The following TRIM5 variants were observed in gnomAD, a reference collection of about 807,000 sequenced individuals.
The protein encoded by TRIM5 is tripartite motif containing 5, also known as tripartite motif-containing protein 5.
Under a neutral mutation model 35.6 loss-of-function variants are expected in TRIM5, and 31 were observed. The observed-to-expected ratio is 0.87, with a 90% CI of 0.65 to 1.18. TRIM5 has a LOEUF of 1.18. Among genes scored for constraint, TRIM5 ranks in the 50% most tolerant of loss-of-function variants. The pLI, the probability that TRIM5 is intolerant of heterozygous loss-of-function variation, is 0.00. For synonymous variants in TRIM5, 243 were observed against 215.6 expected, an observed-to-expected ratio of 1.13 and a Z score of -1.11; for missense variants, 609 against 591.6, an observed-to-expected ratio of 1.03 and a Z score of -0.31.
the TRIM5 span, among the ~76,000 whole-genome samples, chr11:5,606,711 A>C: frequency 6.6e-6 from 1 of 152,026 alleles, no homozygotes; most frequent in Non-Finnish European, 1.5e-5. Flanking sequence ...ACAGTCCTCA[A>C]ACTGTAAATA....
At position 5,678,240 on chromosome 11, in the gene TRIM5, C is replaced by T. The variant is rs767959775; in HGVS notation, c.708G>A (p.Glu236=). 1 of 1,613,930 alleles carries T rather than the reference C, an allele frequency of 6.2e-7. No individual in the cohort carries two copies. Residue 236 remains glutamate, a synonymous_variant, in exon 4 of 8, where the codon GAG becomes GAA. Transcript: ENST00000380034. Reference sequence around the variant, plus strand: ...CCATCACTGACCCCTGCAGCCGATGCTCCAGATCTGAGATGAGCTCTCTCA... The same window carrying T: ...CCATCACTGACCCCTGCAGCCGATGTTCCAGATCTGAGATGAGCTCTCTCA... ...QSLRELISDL[E]HRLQGSVMEL...
At chr11:5,621,649 A>C in the TRIM5 span, among the ~76,000 whole-genome samples, 1 of 152,216 alleles carries the variant, frequency 6.6e-6, no homozygotes, top group East Asian at 1.9e-4. Context: ...CTTCAAAATC[A>C]CTAGGCCAAA....
the TRIM5 span, chr11:5,610,519 C>G: frequency 6.2e-7 from 1 of 1,614,156 alleles, no homozygotes; most frequent in African/African-American, 1.3e-5. Flanking sequence ...ATTATTGACT[C>G]TTTTCATCAT....
At chr11:5,623,534 A>ATTT in the TRIM5 span, among the ~76,000 whole-genome samples, 12,163 of 126,494 alleles carry the variant, frequency 0.096, 1,113 homozygotes, top group East Asian at 0.41. Context: ...TGCCCGGCTA[A>ATTT]TTTTTTTTTT....
At chr11:5,678,161 CT>C in intron 4 of TRIM5, 42 bp downstream of exon 4, 1 of 1,532,680 alleles carries the variant, frequency 6.5e-7, no homozygotes, top group Admixed American at 1.9e-5. Context: ...ATAGCCTTCA[CT>C]TTTCTTTAAT....
intron 4 of TRIM5, among the ~76,000 whole-genome samples, chr11:5,677,709 G>A (rs913181604): frequency 7.2e-5 from 11 of 152,138 alleles, no homozygotes; most frequent in Non-Finnish European, 1.2e-4. Flanking sequence ...GATTACAGGC[G>A]TGAGCCACCG....
the TRIM5 span, among the ~76,000 whole-genome samples, chr11:5,624,202 G>A: frequency 2.6e-5 from 4 of 152,180 alleles, no homozygotes; most frequent in African/African-American, 4.8e-5. Flanking sequence ...CCTCAGATTC[G>A]CGTAAAAATT....
chr11:5,660,712 T>C (rs1295063592), downstream of TRIM5, among the ~76,000 whole-genome samples: 1 of 151,796 alleles, frequency 6.6e-6, no homozygotes, highest in Admixed American at 6.6e-5. Flanking sequence ...AAAATAATGG[T>C]GGTGTTGGAG....
At chr11:5,604,431 G>T in the TRIM5 span, 1 of 1,297,544 alleles carries the variant, frequency 7.7e-7, no homozygotes, top group East Asian at 2.5e-5. Context: ...GTTAGGACAG[G>T]CTTCTTTTGA....
At chr11:5,620,413 G>C in the TRIM5 span, among the ~76,000 whole-genome samples, 25 of 151,560 alleles carry the variant, frequency 1.6e-4, no homozygotes, top group African/African-American at 5.8e-4. Context: ...TCCTTGGCCA[G>C]ACTGGACTCT....
Position 5,680,014 on chromosome 11 carries a change from C to T in TRIM5, c.164G>A (p.Cys55Tyr), listed in dbSNP as rs375676926. The change falls in exon 2 of 8, where the codon TGC (cysteine) becomes TAC (tyrosine). Residue 55 changes from cysteine to tyrosine, a missense_variant. Transcript: ENST00000380034. Reference protein sequence around the residue: ...KSMLDKGESSCPVCRISYQPE... With the variant: ...KSMLDKGESSYPVCRISYQPE... ...CTGGTAACTGATCCGGCACACAGGGCAGCTACTCTCTCCTTTGTCTAGCAT... is the reference window on the plus strand; with the variant it reads ...CTGGTAACTGATCCGGCACACAGGGTAGCTACTCTCTCCTTTGTCTAGCAT... 1 of 1,614,150 alleles carries T rather than the reference C, an allele frequency of 6.2e-7. No homozygotes were observed. The highest frequency in any genetic ancestry group is 8.5e-7 in the Non-Finnish European group (1 of 1,180,024).
the TRIM5 span, among the ~76,000 whole-genome samples, chr11:5,638,335 G>C: frequency 2.0e-5 from 3 of 152,250 alleles, no homozygotes; most frequent in African/African-American, 7.2e-5. Context: ...AATTGTGACA[G>C]AGGTTTGAGC....
chr11:5,660,896 G>A (rs1299596080), downstream of TRIM5, among the ~76,000 whole-genome samples: 2 of 151,546 alleles, frequency 1.3e-5, no homozygotes, highest in African/African-American at 4.9e-5. Flanking sequence ...CCAAAAATTA[G>A]CTGGGCATGG....
the TRIM5 span, among the ~76,000 whole-genome samples, chr11:5,644,991 C>CTT: frequency 6.6e-6 from 1 of 152,028 alleles, no homozygotes; most frequent in African/African-American, 2.4e-5. Flanking sequence ...CCACTCTTGC[C>CTT]AGAGATGTTC....
chr11:5,623,852 G>T, the TRIM5 span, among the ~76,000 whole-genome samples: 1 of 152,174 alleles, frequency 6.6e-6, no homozygotes, highest in Non-Finnish European at 1.5e-5. Context: ...CACCATGCAT[G>T]AGTCAGATGG....
At chr11:5,650,465 T>G in the TRIM5 span, among the ~76,000 whole-genome samples, 1 of 152,206 alleles carries the variant, frequency 6.6e-6, no homozygotes, top group Non-Finnish European at 1.5e-5. Flanking sequence ...TACCTTCATA[T>G]CGTACAGAAC....
the TRIM5 span, among the ~76,000 whole-genome samples, chr11:5,615,067 T>C: frequency 9.2e-5 from 14 of 152,334 alleles, no homozygotes; most frequent in Non-Finnish European, 1.9e-4. Flanking sequence ...TTTTCCCAAA[T>C]CTATGAGGAT....
chr11:5,616,737 CT>C, the TRIM5 span, among the ~76,000 whole-genome samples: 93,793 of 126,506 alleles, frequency 0.74, 37,163 homozygotes, highest in East Asian at 0.88. Flanking sequence ...CGAGAATAAC[CT>C]TTTTTTTTTT....
At chr11:5,672,358 C>A (rs552185182) in intron 4 of TRIM5, among the ~76,000 whole-genome samples, 20 of 151,950 alleles carry the variant, frequency 1.3e-4, no homozygotes, top group Non-Finnish European at 2.8e-4. Context: ...ATTACAGGCA[C>A]GTGCCACCAT....
Sources: gnomAD v4.1 joint callset for allele counts (sites outside exome capture counted in the v4.1 genomes callset) on GRCh38, gnomAD v4.1.1 for gene constraint, MANE v1.5 for transcripts, NCBI Gene and HGNC (gene_info 2026-07-23, HGNC 2026-07-21) for gene names.